Variants in AOAH observed in about 807,000 individuals in gnomAD.
The protein encoded by AOAH is acyloxyacyl hydrolase.
A neutral mutation model predicts 92.2 loss-of-function variants in AOAH; 64 were observed. The ratio of observed to expected loss-of-function variants is 0.69; its 90% CI spans 0.57 to 0.86. The LOEUF (loss-of-function observed/expected upper bound fraction) is 0.86. Ranked by LOEUF, AOAH falls within the 40% of genes least tolerant of loss-of-function variation. The pLI is 0.00. For synonymous variants in AOAH, 263 were observed against 254.5 expected, an observed-to-expected ratio of 1.03 and a Z score of -0.32; for missense variants, 656 against 694.6, an observed-to-expected ratio of 0.94 and a Z score of 0.62.
intron 11 of AOAH, among the ~76,000 whole-genome samples, chr7:36,605,896 G>C (rs1047833985): frequency 6.6e-6 from 1 of 152,220 alleles, no homozygotes; most frequent in African/African-American, 2.4e-5. Flanking sequence ...TCACCACGGT[G>C]AACACAACTC....
intron 15 of AOAH, among the ~76,000 whole-genome samples, chr7:36,545,432 A>C (rs759728288): frequency 5.9e-5 from 9 of 152,044 alleles, no homozygotes; most frequent in Admixed American, 2.6e-4. Context: ...CATCTGAATA[A>C]ATAGCATGGA....
At chr7:36,531,864 A>G (rs61692034) in intron 18 of AOAH, among the ~76,000 whole-genome samples, 5 of 105,922 alleles carry the variant, frequency 4.7e-5, no homozygotes, top group Admixed American at 9.8e-5. Flanking sequence ...GTGTGTGTGT[A>G]TGTGTGCGTG....
chr7:36,627,242 GAA>G (rs1183352235), intron 6 of AOAH, among the ~76,000 whole-genome samples: 15 of 151,888 alleles, frequency 9.9e-5, no homozygotes, highest in Admixed American at 9.8e-4. Flanking sequence ...ATGTAGAGAG[GAA>G]AAAAACGTTT....
At chr7:36,572,627 TC>T (rs2116600396) in intron 13 of AOAH, among the ~76,000 whole-genome samples, 1 of 152,282 alleles carries the variant, frequency 6.6e-6, no homozygotes, top group South Asian at 2.1e-4. Context: ...CGACACTGTG[TC>T]AGTGGTACCC....
intron 11 of AOAH, among the ~76,000 whole-genome samples, chr7:36,613,295 T>A (rs991391481): frequency 1.3e-5 from 2 of 152,168 alleles, no homozygotes; most frequent in Non-Finnish European, 2.9e-5. Context: ...CCAGATGGAT[T>A]TTCCCTCCTA....
At chr7:36,524,013 G>A (rs1020344398) in intron 19 of AOAH, among the ~76,000 whole-genome samples, 9 of 151,972 alleles carry the variant, frequency 5.9e-5, no homozygotes, top group Non-Finnish European at 7.4e-5. Context: ...AGAAAGGCCC[G>A]GGCCAGGTGA....
At chr7:36,603,498 A>T (rs1225620554) in intron 11 of AOAH, among the ~76,000 whole-genome samples, 2 of 152,156 alleles carry the variant, frequency 1.3e-5, no homozygotes, top group African/African-American at 4.8e-5. Context: ...TAGCTTGTGC[A>T]TGCCTAGCTG....
intron 1 of AOAH, among the ~76,000 whole-genome samples, chr7:36,691,262 T>C (rs1797380195): frequency 1.3e-5 from 2 of 152,200 alleles, no homozygotes; most frequent in South Asian, 4.1e-4. Context: ...GATAAGTACC[T>C]TGCCAAGTAT....
At chr7:36,585,740 T>G (rs775761868) in intron 12 of AOAH, among the ~76,000 whole-genome samples, 1 of 152,162 alleles carries the variant, frequency 6.6e-6, no homozygotes, top group Non-Finnish European at 1.5e-5. Flanking sequence ...CCCAACAAAG[T>G]GTTCATTTCT....
At chr7:36,683,782 A>AT (rs59823178) in intron 2 of AOAH, among the ~76,000 whole-genome samples, 3,627 of 152,258 alleles carry the variant, frequency 0.024, 143 homozygotes, top group African/African-American at 0.083. Flanking sequence ...ACATGTGTAA[A>AT]TGTATATACA....
At chr7:36,710,251 A>G (rs1158916747) in intron 1 of AOAH, among the ~76,000 whole-genome samples, 1 of 152,180 alleles carries the variant, frequency 6.6e-6, no homozygotes, top group Non-Finnish European at 1.5e-5. Context: ...GGGGTAATCA[A>G]GATTTTCCTA....
intron 1 of AOAH, among the ~76,000 whole-genome samples, chr7:36,719,096 T>C (rs556115845): frequency 6.6e-6 from 1 of 152,354 alleles, no homozygotes; most frequent in Non-Finnish European, 1.5e-5. Context: ...TTTCTGTCTT[T>C]ATTTTTTCGC....
rs1473685304 is a variant in AOAH at position 36,601,596 on chromosome 7, C to G, written c.847-7166G>C. ...AAAATAGCTTAATAATAGTACCTAT[C>G]TCATTGGGTGGTTGAGAGAATTAAA... On this transcript the variant is annotated intron_variant, in intron 11 of 20. Transcript: ENST00000617537. Among the ~76,000 whole-genome samples, 5 of 152,216 alleles carry G rather than the reference C, an allele frequency of 3.3e-5. No individual in the cohort carries two copies. In the East Asian group the frequency reaches 9.6e-4, roughly 29 times the overall value.
rs565644339 is a variant in AOAH, at chr7:36,548,655, C to T, written c.1090G>A (p.Ala364Thr). 81 of 1,613,520 alleles carry T rather than the reference C, an allele frequency of 5.0e-5. No homozygotes were observed. Among genetic ancestry groups the T allele is most frequent in the East Asian group, 1.6e-4 (7 of 44,858 alleles). ...CCAATCATGGCATATATAACGATGG[C>T]GGGATAGTCCAACACCTTGTTTCTA... is the stretch of plus-strand genomic sequence containing the variant. ...LSRNKVLDYP[A>T]IVIYAMIGND... Residue 364 changes from alanine to threonine, a missense_variant, in exon 15 of 21, where the codon GCC becomes ACC. Physicochemically the swap from Ala to Thr is moderately conservative, Grantham distance 58. Coordinates refer to ENST00000617537, the MANE Select transcript of AOAH (RefSeq NM_001637.4).
chr7:36,648,051 C>T (rs1432435682), intron 4 of AOAH, among the ~76,000 whole-genome samples: 1 of 152,036 alleles, frequency 6.6e-6, no homozygotes, highest in Non-Finnish European at 1.5e-5. Context: ...AGGCTGGTCT[C>T]GAACTCCTGA....
At chr7:36,699,210 T>C (rs746285666) in intron 1 of AOAH, among the ~76,000 whole-genome samples, 2 of 152,140 alleles carry the variant, frequency 1.3e-5, no homozygotes, top group Admixed American at 6.6e-5. Flanking sequence ...CATCCATTGA[T>C]GGGCACTGAG....
intron 3 of AOAH, among the ~76,000 whole-genome samples, chr7:36,668,773 C>T (rs1207348896): frequency 6.6e-6 from 1 of 152,268 alleles, no homozygotes; most frequent in Non-Finnish European, 1.5e-5. Context: ...AGGCGTGAGC[C>T]ATCACACCCA....
At chr7:36,695,632 G>A (rs1322441763) in intron 1 of AOAH, among the ~76,000 whole-genome samples, 1 of 152,100 alleles carries the variant, frequency 6.6e-6, no homozygotes, top group East Asian at 1.9e-4. Flanking sequence ...ATTCTCCTAA[G>A]TGCCACACTA....
chr7:36,695,683 A>G (rs558111132), intron 1 of AOAH, among the ~76,000 whole-genome samples: 4 of 152,322 alleles, frequency 2.6e-5, no homozygotes, highest in African/African-American at 4.8e-5. Flanking sequence ...AAAATTATCA[A>G]TCATGTTAAT....
Sources: gnomAD v4.1 joint callset for allele counts (sites outside exome capture counted in the v4.1 genomes callset) on GRCh38, gnomAD v4.1.1 for gene constraint, MANE v1.5 for transcripts, NCBI Gene and HGNC (gene_info 2026-07-23, HGNC 2026-07-21) for gene names.